ADGRB3: variants seen among roughly 807,000 people sequenced by gnomAD.
ADGRB3 encodes the protein brain-specific angiogenesis inhibitor 3.
Under a neutral mutation model 193.4 loss-of-function variants are expected in ADGRB3, and 37 were observed. That is an observed-to-expected ratio of 0.19 (90% CI 0.15 to 0.25). The LOEUF is 0.25. ADGRB3 is among the 10% of genes least tolerant of loss of function. ADGRB3 has a pLI of 1.00. For synonymous variants in ADGRB3, 690 were observed against 644.2 expected (o/e 1.07, Z -1.08); for missense variants, 1,637 against 1,852.9 (o/e 0.88, Z 2.14).
chr6:68,643,893 C>G (rs796915346), intron 3 of ADGRB3, among the ~76,000 whole-genome samples: 7 of 150,348 alleles, frequency 4.7e-5, no homozygotes, highest in African/African-American at 1.5e-4. Context: ...GATCGCACCA[C>G]TGCACTCCAG....
chr6:68,751,473 A>AAATT (rs1766197725), intron 3 of ADGRB3, among the ~76,000 whole-genome samples: 4 of 152,190 alleles, frequency 2.6e-5, no homozygotes, highest in Non-Finnish European at 4.4e-5. Flanking sequence ...GAAATGAAAT[A>AAATT]AAACATCAGA....
At chr6:69,086,955 G>C (rs1291858409) in intron 17 of ADGRB3, among the ~76,000 whole-genome samples, 1 of 152,104 alleles carries the variant, frequency 6.6e-6, no homozygotes, top group African/African-American at 2.4e-5. Flanking sequence ...AAGAGGCTTA[G>C]GCTTTTTTGT....
intron 17 of ADGRB3, among the ~76,000 whole-genome samples, chr6:69,094,205 G>T (rs1461635188): frequency 6.6e-6 from 1 of 152,154 alleles, no homozygotes; most frequent in Admixed American, 6.5e-5. Flanking sequence ...ATGAGTCTCA[G>T]GTAGGTCTGA....
chr6:69,040,341 C>CTTTCTTTCTTTCT (rs1771000448), intron 13 of ADGRB3, among the ~76,000 whole-genome samples: 1 of 50,752 alleles, frequency 2.0e-5, no homozygotes, highest in Admixed American at 2.9e-4. Context: ...TTCTTTCTTT[C>CTTTCTTTCTTTCT]TTTCTTTCTT....
At chr6:68,914,238 T>C (rs1766810955) in intron 3 of ADGRB3, among the ~76,000 whole-genome samples, 3 of 150,244 alleles carry the variant, frequency 2.0e-5, no homozygotes, top group Admixed American at 6.6e-5. Flanking sequence ...AGACACATAA[T>C]TGTCAGATTC....
intron 3 of ADGRB3, among the ~76,000 whole-genome samples, chr6:68,866,042 G>T (rs1765289381): frequency 6.6e-6 from 1 of 152,120 alleles, no homozygotes; most frequent in Non-Finnish European, 1.5e-5. Flanking sequence ...ATGAGGGAGG[G>T]ATCTGATCCC....
intron 17 of ADGRB3, among the ~76,000 whole-genome samples, chr6:69,174,480 A>AT (rs1775371845): frequency 6.6e-6 from 1 of 152,256 alleles, no homozygotes; most frequent in East Asian, 1.9e-4. Context: ...TGCATATGAC[A>AT]TTTTTTATAC....
At chr6:69,200,402 A>G (rs1338002269) in intron 17 of ADGRB3, among the ~76,000 whole-genome samples, 1 of 152,138 alleles carries the variant, frequency 6.6e-6, no homozygotes, top group Non-Finnish European at 1.5e-5. Flanking sequence ...TCATCAGTAT[A>G]CAAATAAAAT....
intron 17 of ADGRB3, among the ~76,000 whole-genome samples, chr6:69,107,608 A>T (rs148823989): frequency 1.5e-3 from 236 of 152,338 alleles, no homozygotes; most frequent in Non-Finnish European, 2.6e-3. Flanking sequence ...TAACCAAAGC[A>T]TTAGTCACAA....
At chr6:68,818,430 C>T (rs1263864313) in intron 3 of ADGRB3, among the ~76,000 whole-genome samples, 1 of 152,024 alleles carries the variant, frequency 6.6e-6, no homozygotes, top group Non-Finnish European at 1.5e-5. Flanking sequence ...CTTCCCAACC[C>T]TCCATCCAGT....
chr6:68,959,308 T>C (rs573726186), intron 8 of ADGRB3, among the ~76,000 whole-genome samples: 23 of 152,286 alleles, frequency 1.5e-4, no homozygotes, highest in African/African-American at 5.3e-4. Context: ...ACTTTCAAAT[T>C]ACCATAACAT....
At chr6:68,741,146 G>C (rs569561880) in intron 3 of ADGRB3, among the ~76,000 whole-genome samples, 5 of 152,276 alleles carry the variant, frequency 3.3e-5, no homozygotes, top group Admixed American at 3.3e-4. Flanking sequence ...GGTGTATCTA[G>C]TGTCTGCATA....
intron 26 of ADGRB3, among the ~76,000 whole-genome samples, chr6:69,347,524 A>G (rs1769125396): frequency 6.6e-6 from 1 of 152,170 alleles, no homozygotes; most frequent in Admixed American, 6.5e-5. Context: ...CTGTAATCCT[A>G]GCACTTTTTT....
intron 17 of ADGRB3, among the ~76,000 whole-genome samples, chr6:69,223,424 A>G (rs1765941405): frequency 1.3e-5 from 2 of 152,114 alleles, no homozygotes; most frequent in Admixed American, 6.6e-5. Context: ...TTTAAGCACT[A>G]TCCTTCCATT....
At chr6:68,828,577 G>T (rs992934427) in intron 3 of ADGRB3, among the ~76,000 whole-genome samples, 2 of 151,978 alleles carry the variant, frequency 1.3e-5, no homozygotes, top group African/African-American at 2.4e-5. Flanking sequence ...GAAGAGGTTG[G>T]ATATCAAAAT....
chr6:69,257,192 T>C (rs962538806), intron 20 of ADGRB3, among the ~76,000 whole-genome samples: 20 of 152,324 alleles, frequency 1.3e-4, no homozygotes, highest in African/African-American at 4.1e-4. Context: ...TGCCCAGCTT[T>C]GGTATCAGAA....
At chr6:69,144,699 A>T (rs751469072) in intron 17 of ADGRB3, among the ~76,000 whole-genome samples, 7 of 152,198 alleles carry the variant, frequency 4.6e-5, no homozygotes, top group Non-Finnish European at 1.0e-4. Context: ...TGTTGATATA[A>T]TGTATCATAC....
intron 3 of ADGRB3, among the ~76,000 whole-genome samples, chr6:68,805,886 G>A (rs1409015053): frequency 6.6e-6 from 1 of 152,078 alleles, no homozygotes; most frequent in Non-Finnish European, 1.5e-5. Flanking sequence ...ACAACACAAT[G>A]TATTAAAAAG....
intron 19 of ADGRB3, among the ~76,000 whole-genome samples, chr6:69,237,165 C>T (rs1335604895): frequency 1.3e-5 from 2 of 151,908 alleles, no homozygotes; most frequent in African/African-American, 4.8e-5. Context: ...TAGAAGGATG[C>T]CATTATACAT....
Sources: gnomAD v4.1 joint callset for allele counts (sites outside exome capture counted in the v4.1 genomes callset) on GRCh38, gnomAD v4.1.1 for gene constraint, MANE v1.5 for transcripts, NCBI Gene and HGNC (gene_info 2026-07-23, HGNC 2026-07-21) for gene names.